ANO10: variants seen among roughly 807,000 people sequenced by gnomAD.
The protein encoded by ANO10 is anoctamin-10.
In ANO10, 77 loss-of-function variants were observed where a neutral mutation model predicts 74.7. The observed-to-expected ratio is 1.03, with a 90% CI of 0.86 to 1.25. ANO10 has a LOEUF of 1.25. Ranked by LOEUF, ANO10 falls within the 50% of genes most tolerant of loss-of-function variation. The pLI is 0.00. For synonymous variants in ANO10, 279 were observed against 284.9 expected (o/e 0.98, Z 0.21); for missense variants, 721 against 778.1 (o/e 0.93, Z 0.87).
chr3:43,531,356 A>G (rs1027037244), intron 11 of ANO10, among the ~76,000 whole-genome samples: 10 of 152,232 alleles, frequency 6.6e-5, no homozygotes, highest in African/African-American at 2.4e-4. Context: ...CTTATAAATT[A>G]TTCCAGCTTT....
chr3:43,389,329 G>A (rs1455098346), intron 12 of ANO10, among the ~76,000 whole-genome samples: 7 of 152,158 alleles, frequency 4.6e-5, no homozygotes, highest in Admixed American at 4.6e-4. Context: ...CTTGGTAAAA[G>A]TTATAAAATA....
At chr3:43,474,932 G>C (rs1319551920) in intron 11 of ANO10, among the ~76,000 whole-genome samples, 1 of 151,928 alleles carries the variant, frequency 6.6e-6, no homozygotes, top group Non-Finnish European at 1.5e-5. Context: ...TTTTTAACTA[G>C]ACATGATTAT....
intron 4 of ANO10, among the ~76,000 whole-genome samples, chr3:43,589,036 AAAG>A (rs890117676): frequency 5.3e-5 from 8 of 152,214 alleles, no homozygotes; most frequent in African/African-American, 1.9e-4. Context: ...ATACTACAAA[AAAG>A]AAATCTAAGT....
At chr3:43,677,555 C>A (rs532378991) in intron 1 of ANO10, among the ~76,000 whole-genome samples, 2 of 152,274 alleles carry the variant, frequency 1.3e-5, no homozygotes, top group East Asian at 3.9e-4. Context: ...AAAACCATCA[C>A]CATTTTATTT....
At chr3:43,686,754 G>A (rs994479868) in intron 1 of ANO10, among the ~76,000 whole-genome samples, 1 of 152,212 alleles carries the variant, frequency 6.6e-6, no homozygotes, top group African/African-American at 2.4e-5. Flanking sequence ...AATGGCTACT[G>A]TATCAGAGAG....
chr3:43,414,967 C>CTTTTTTTTTTTT (rs60554785), intron 12 of ANO10, among the ~76,000 whole-genome samples: 1 of 66,594 alleles, frequency 1.5e-5, no homozygotes. Context: ...TGTCATTGTG[C>CTTTTTTTTTTTT]TTTTTTTTTT....
At chr3:43,690,075 T>C (rs79079978) in intron 1 of ANO10, 1 of 152,326 alleles carries the variant, frequency 6.6e-6, no homozygotes, top group Non-Finnish European at 1.5e-5. Context: ...TTTTTTTTTT[T>C]TGAGACGGAG....
intron 11 of ANO10, among the ~76,000 whole-genome samples, chr3:43,466,337 C>T (rs2075613226): frequency 7.1e-6 from 1 of 141,526 alleles, no homozygotes; most frequent in South Asian, 2.3e-4. Flanking sequence ...CTGCACTGCA[C>T]TCCAGCCTGG....
chr3:43,642,681 A>G (rs1212013128), intron 1 of ANO10, among the ~76,000 whole-genome samples: 1 of 151,546 alleles, frequency 6.6e-6, no homozygotes, highest in Non-Finnish European at 1.5e-5. Context: ...CATTCCCCCC[A>G]CCTCCTATAG....
chr3:43,554,185 TC>T (rs1265497519), intron 10 of ANO10, among the ~76,000 whole-genome samples: 5 of 150,030 alleles, frequency 3.3e-5, no homozygotes, highest in Admixed American at 6.6e-5. Context: ...GAGTGATTTT[TC>T]TTTTTTTTTT....
intron 1 of ANO10, among the ~76,000 whole-genome samples, chr3:43,663,662 C>T (rs913994142): frequency 6.6e-6 from 1 of 152,176 alleles, no homozygotes; most frequent in Non-Finnish European, 1.5e-5. Flanking sequence ...AGCCCAAAAT[C>T]TCCTTAAGCT....
At chr3:43,386,411 G>A (rs976910827) in intron 12 of ANO10, among the ~76,000 whole-genome samples, 3 of 152,030 alleles carry the variant, frequency 2.0e-5, no homozygotes, top group Admixed American at 6.5e-5. Context: ...GAAAGGGAAG[G>A]AAGGAAAGAC....
At position 43,640,502 on chromosome 3, in the gene ANO10, A is replaced by T. The variant is rs546488523; in HGVS notation, c.-11-34639T>A. On this transcript the variant is annotated intron_variant, in intron 1 of 3. Transcript: ENST00000413397. ...GTACTCCTTCCTCCCAGGCCTTTGC[A>T]CAGGAATCATGCAAACTGGAACCCA... is the stretch of plus-strand genomic sequence containing the variant. 2.0e-5 allele frequency among the ~76,000 whole-genome samples: 3 copies of T among 152,260 alleles called. No individual in the cohort carries two copies. The East Asian group carries it at 5.8e-4, about 29-fold the overall frequency.
chr3:43,590,912 A>G (rs2081710077), intron 4 of ANO10, among the ~76,000 whole-genome samples: 1 of 152,140 alleles, frequency 6.6e-6, no homozygotes, highest in Admixed American at 6.5e-5. Context: ...TTGTAACTCA[A>G]CTCACACCCA....
Position 43,632,772 on chromosome 3 carries a change from A to C in ANO10, c.-11-26909T>G, listed in dbSNP as rs1234739477. ...CTCTTCCCAACATGACTCAGATTTTAATGGAGGTAATTCACGATTTGATTT... is the reference window on the plus strand; with the variant it reads ...CTCTTCCCAACATGACTCAGATTTTCATGGAGGTAATTCACGATTTGATTT... On this transcript the variant is annotated intron_variant, in intron 1 of 3. Coordinates refer to the ANO10 transcript ENST00000413397. 2.6e-5 allele frequency among the ~76,000 whole-genome samples: 4 copies of C among 152,244 alleles called. No homozygotes were observed. The East Asian group carries it at 7.7e-4, about 29-fold the overall frequency.
intron 12 of ANO10, among the ~76,000 whole-genome samples, chr3:43,391,720 G>A (rs1458058251): frequency 7.2e-5 from 11 of 152,160 alleles, no homozygotes; most frequent in Non-Finnish European, 1.6e-4. Flanking sequence ...TAGTGGTGAG[G>A]AACTGGTATC....
At chr3:43,444,052 A>G (rs1346859108) in intron 11 of ANO10, among the ~76,000 whole-genome samples, 2 of 152,208 alleles carry the variant, frequency 1.3e-5, no homozygotes, top group Non-Finnish European at 2.9e-5. Context: ...TTAATGCAAG[A>G]AAATAATCTA....
intron 11 of ANO10, among the ~76,000 whole-genome samples, chr3:43,514,776 T>C (rs2077643644): frequency 6.6e-6 from 1 of 152,184 alleles, no homozygotes; most frequent in Non-Finnish European, 1.5e-5. Flanking sequence ...AGACAAAATG[T>C]TTTCTCTGAC....
intron 12 of ANO10, among the ~76,000 whole-genome samples, chr3:43,390,551 T>C (rs2092249935): frequency 6.6e-6 from 1 of 152,212 alleles, no homozygotes. Flanking sequence ...CCGCCACAGG[T>C]GCTCCATTCT....
Sources: gnomAD v4.1 joint callset for allele counts (sites outside exome capture counted in the v4.1 genomes callset) on GRCh38, gnomAD v4.1.1 for gene constraint, MANE v1.5 for transcripts, NCBI Gene and HGNC (gene_info 2026-07-23, HGNC 2026-07-21) for gene names.